PTPRZ1: variants seen among roughly 807,000 people sequenced by gnomAD.
The protein encoded by PTPRZ1 is protein tyrosine phosphatase receptor type Z1.
A neutral mutation model predicts 214.1 loss-of-function variants in PTPRZ1; 82 were observed. That is an observed-to-expected ratio of 0.38 (90% CI 0.32 to 0.46). The LOEUF (loss-of-function observed/expected upper bound fraction) is 0.46, where lower values mean the gene tolerates loss of function less well. PTPRZ1 is among the 20% of genes least tolerant of loss of function. The probability of loss-of-function intolerance (pLI) is 1.00; values close to 1 mark genes in which losing one functional copy is unlikely to be tolerated. For missense variants in PTPRZ1, 2,603 were observed against 2,748.7 expected, an observed-to-expected ratio of 0.95 and a Z score of 1.19; for synonymous variants, 945 against 987.9, an observed-to-expected ratio of 0.96 and a Z score of 0.81.
At chr7:121,969,927 A>G (rs1444323071) in intron 3 of PTPRZ1, among the ~76,000 whole-genome samples, 6 of 147,736 alleles carry the variant, frequency 4.1e-5, no homozygotes, top group Non-Finnish European at 9.0e-5. Context: ...CATTAGGCAT[A>G]TCTCCTAATG....
At chr7:122,051,834 TTTTG>T in intron 24 of PTPRZ1, 28 bp from the exon 25 acceptor site, 1 of 1,595,330 alleles carries the variant, frequency 6.3e-7, no homozygotes, top group Non-Finnish European at 8.6e-7. Context: ...TTTTGTTTTG[TTTTG>T]TTTTACAATG....
intron 11 of PTPRZ1, among the ~76,000 whole-genome samples, chr7:122,009,592 A>G (rs1477333417): frequency 3.9e-5 from 6 of 151,998 alleles, no homozygotes; most frequent in Non-Finnish European, 7.4e-5. Flanking sequence ...TGCAATGAAG[A>G]TTATGCTTAA....
chr7:121,916,706 A>G (rs560974286), intron 1 of PTPRZ1, among the ~76,000 whole-genome samples: 2 of 152,336 alleles, frequency 1.3e-5, no homozygotes, highest in African/African-American at 2.4e-5. Context: ...TGCAGAGTAC[A>G]TTCAAATTTC....
chr7:121,931,174 C>A (rs1197423925), intron 2 of PTPRZ1, among the ~76,000 whole-genome samples: 2 of 152,102 alleles, frequency 1.3e-5, no homozygotes, highest in Non-Finnish European at 2.9e-5. Flanking sequence ...ATATCACAAG[C>A]CATCTTTTAA....
At chr7:122,039,645 A>G in intron 20 of PTPRZ1, 57 bp downstream of exon 20, 2 of 1,581,334 alleles carry the variant, frequency 1.3e-6, no homozygotes, top group Non-Finnish European at 1.7e-6. Flanking sequence ...GTCATTTTTT[A>G]AGTGAATAAG....
chr7:121,919,519 A>G (rs1795528062), intron 1 of PTPRZ1, among the ~76,000 whole-genome samples: 1 of 152,100 alleles, frequency 6.6e-6, no homozygotes, highest in African/African-American at 2.4e-5. Flanking sequence ...ATGTTTCTTC[A>G]TAATATCCTT....
rs776140162 is a variant in PTPRZ1, at chr7:122,011,638, G to A, written c.2592G>A (p.Gly864=). ...VPLHASLPVA[G]GDLLLEPSLA... is the part of the protein sequence containing the mutation. ...TGCATGCTTCTCTGCCAGTGGCTGG[G>A]GGTGATTTGCTATTAGAGCCCAGCC... Residue 864 remains glycine (G), a synonymous_variant, in exon 12 of 30, where the codon GGG becomes GGA. Coordinates refer to ENST00000393386, the MANE Select transcript of PTPRZ1 (RefSeq NM_002851.3). 4 of 1,613,924 alleles carry A rather than the reference G, an allele frequency of 2.5e-6. No homozygotes were observed. Among genetic ancestry groups the A allele is most frequent in the African/African-American group, 1.3e-5 (1 of 74,892 alleles).
At chr7:121,986,409 A>G (rs1263053962) in intron 8 of PTPRZ1, among the ~76,000 whole-genome samples, 1 of 152,236 alleles carries the variant, frequency 6.6e-6, no homozygotes, top group Non-Finnish European at 1.5e-5. Flanking sequence ...CTTACATAAA[A>G]AACTGATGAC....
chr7:122,004,327 A>G (rs1798415184), intron 10 of PTPRZ1, among the ~76,000 whole-genome samples: 1 of 152,076 alleles, frequency 6.6e-6, no homozygotes, highest in South Asian at 2.1e-4. Context: ...CTCCGTTCTT[A>G]GCTTCAATCA....
At chr7:122,019,417 G>C in intron 13 of PTPRZ1, 149 bp downstream of exon 13, 1 of 770,620 alleles carries the variant, frequency 1.3e-6, no homozygotes, top group Non-Finnish European at 2.1e-6. Context: ...GAATCCAAAG[G>C]CACAATAATG....
intron 1 of PTPRZ1, among the ~76,000 whole-genome samples, chr7:121,894,168 A>G (rs944637688): frequency 3.3e-5 from 5 of 152,178 alleles, no homozygotes; most frequent in African/African-American, 1.2e-4. Flanking sequence ...TCTGAAAAGC[A>G]GGTGCCAGTT....
intron 1 of PTPRZ1, among the ~76,000 whole-genome samples, chr7:121,917,755 T>C (rs960052873): frequency 1.1e-4 from 17 of 152,098 alleles, no homozygotes; most frequent in Non-Finnish European, 1.5e-5. Flanking sequence ...TTGTCCAAGG[T>C]CATCACTTAA....
At chr7:121,892,867 C>A (rs1359576369) in intron 1 of PTPRZ1, among the ~76,000 whole-genome samples, 1 of 151,488 alleles carries the variant, frequency 6.6e-6, no homozygotes, top group Admixed American at 6.6e-5. Context: ...ATATCATTTT[C>A]TGCATGGTAG....
chr7:122,042,472 T>A, intron 21 of PTPRZ1, 136 bp from the exon 22 acceptor site: 1 of 799,290 alleles, frequency 1.3e-6, no homozygotes, highest in African/African-American at 1.7e-5. Context: ...CAATATTGAA[T>A]TGCCAAATGT....
chr7:121,888,760 A>G (rs1794483625), intron 1 of PTPRZ1, among the ~76,000 whole-genome samples: 2 of 152,182 alleles, frequency 1.3e-5, no homozygotes, highest in Admixed American at 1.3e-4. Flanking sequence ...ACATCTGAGG[A>G]AAGTAATTAC....
chr7:121,976,822 T>C lies in PTPRZ1; in HGVS notation c.590T>C (p.Ile197Thr), dbSNP rs1285181750. ...TEENLDFKAI[I>T]DGVESVSRFG... is the part of the protein sequence containing the mutation. Reference sequence around the variant, plus strand: ...GAAAATTTGGATTTCAAAGCGATTATTGATGGAGTCGAAAGTGTTAGTCGT... The same window carrying C: ...GAAAATTTGGATTTCAAAGCGATTACTGATGGAGTCGAAAGTGTTAGTCGT... Residue 197 changes from isoleucine to threonine, a missense_variant, in exon 6 of 30, where the codon ATT becomes ACT. Around this residue, in one of 6 missense-constraint regions of PTPRZ1, gnomAD observed 244 missense variants for 333.2 expected, o/e 0.73. Transcript: ENST00000393386. The C allele has an allele frequency of 3.7e-6, 6 of 1,611,328 alleles. No homozygotes were observed. The highest frequency in any genetic ancestry group is 1.7e-5 in the Admixed American group (1 of 59,584).
At chr7:121,975,742 C>G (rs543548397) in intron 4 of PTPRZ1, among the ~76,000 whole-genome samples, 1 of 152,154 alleles carries the variant, frequency 6.6e-6, no homozygotes, top group African/African-American at 2.4e-5. Context: ...AAACTTAAAA[C>G]TCTTTTGGTA....
chr7:122,007,429 T>G lies in PTPRZ1; in HGVS notation c.1287+2769T>G, dbSNP rs1255088975. On this transcript the variant is annotated intron_variant, in intron 11 of 29. Coordinates refer to ENST00000393386, the MANE Select transcript of PTPRZ1 (RefSeq NM_002851.3). Reference sequence around the variant, plus strand: ...TGGCTTGGTAAATTGGTAGTAGTTCTTGCTATTGAAATTAACTATTGTATT... The same window carrying G: ...TGGCTTGGTAAATTGGTAGTAGTTCGTGCTATTGAAATTAACTATTGTATT... Among the ~76,000 whole-genome samples, 3 of 152,156 alleles carry G rather than the reference T, an allele frequency of 2.0e-5. No individual in the cohort carries two copies. The East Asian group carries it at 5.8e-4, about 29-fold the overall frequency.
At chr7:121,945,399 A>C (rs1339590395) in intron 2 of PTPRZ1, among the ~76,000 whole-genome samples, 1 of 152,232 alleles carries the variant, frequency 6.6e-6, no homozygotes, top group Non-Finnish European at 1.5e-5. Context: ...TGATACATGT[A>C]GATCAACAGC....
Sources: gnomAD v4.1 joint callset for allele counts (sites outside exome capture counted in the v4.1 genomes callset) on GRCh38, gnomAD v4.1.1 for gene constraint, gnomAD v4.1.1 regional missense constraint, MANE v1.5 for transcripts, NCBI Gene and HGNC (gene_info 2026-07-23, HGNC 2026-07-21) for gene names.